Variants in SSX2IP observed in about 807,000 individuals in gnomAD.
SSX2IP encodes the protein afadin- and alpha-actinin-binding protein.
SSX2IP carries 55 observed loss-of-function variants against 84.9 expected under a neutral mutation model. That is an observed-to-expected ratio of 0.65 (90% CI 0.52 to 0.81). The LOEUF (loss-of-function observed/expected upper bound fraction) is 0.81, where lower values mean the gene tolerates loss of function less well. Ranked by LOEUF, SSX2IP falls within the 30% of genes least tolerant of loss-of-function variation. The pLI, the probability that SSX2IP is intolerant of heterozygous loss-of-function variation, is 0.00. For synonymous variants in SSX2IP, 239 were observed against 234.7 expected (o/e 1.02, Z -0.17); for missense variants, 664 against 705.2 (o/e 0.94, Z 0.66).
At chr1:84,679,253 G>C (rs1454588062) in intron 1 of SSX2IP, among the ~76,000 whole-genome samples, 2 of 152,172 alleles carry the variant, frequency 1.3e-5, no homozygotes, top group African/African-American at 4.8e-5. Context: ...GGAGACCGTA[G>C]CTTTGAATTC....
At chr1:84,681,652 A>G (rs1655094790) in intron 1 of SSX2IP, among the ~76,000 whole-genome samples, 1 of 152,230 alleles carries the variant, frequency 6.6e-6, no homozygotes, top group South Asian at 2.1e-4. Context: ...AGAGTATTCA[A>G]GCACAATTAA....
chr1:84,657,776 A>C (rs1214082526), intron 9 of SSX2IP, among the ~76,000 whole-genome samples: 1 of 152,210 alleles, frequency 6.6e-6, no homozygotes, highest in African/African-American at 2.4e-5. Flanking sequence ...CCTCTTTTCA[A>C]ACATTCACTC....
At position 84,686,754 on chromosome 1, in the gene SSX2IP, C is replaced by A. The variant is rs143624451; in HGVS notation, c.-90+3617G>T. ...AGACTTTTAAAGAGAAAGGGTGATA[C>A]ACAGCAGCAAATGCCATAGAATGGG... is the stretch of plus-strand genomic sequence containing the variant. On this transcript the variant is annotated intron_variant, in intron 1 of 13. Transcript: ENST00000342203. Among the ~76,000 whole-genome samples the A allele has an allele frequency of 1.9e-3, 290 of 152,202 alleles. 2 individuals carry two copies. Among genetic ancestry groups the A allele is most frequent in the African/African-American group, 6.5e-3 (269 of 41,516 alleles).
chr1:84,653,386 C>A (rs139152587), intron 11 of SSX2IP, among the ~76,000 whole-genome samples: 329 of 152,280 alleles, frequency 2.2e-3, no homozygotes, highest in Middle Eastern at 0.014. Context: ...GTCAAACCTC[C>A]CCCTTCTGAA....
chr1:84,666,935 A>C (rs1368968963), intron 4 of SSX2IP, among the ~76,000 whole-genome samples: 3 of 152,216 alleles, frequency 2.0e-5, no homozygotes, highest in African/African-American at 7.2e-5. Context: ...AGCCAATCAA[A>C]TTATGTCTTA....
intron 1 of SSX2IP, among the ~76,000 whole-genome samples, chr1:84,683,943 G>C (rs1655438534): frequency 6.6e-6 from 1 of 152,012 alleles, no homozygotes. Context: ...AAAAAAAAGA[G>C]GCACTTTTAG....
At chr1:84,679,210 TAATAC>T (rs562498641) in intron 1 of SSX2IP, among the ~76,000 whole-genome samples, 15 of 152,336 alleles carry the variant, frequency 9.8e-5, no homozygotes, top group Non-Finnish European at 1.9e-4. Context: ...TTTAAAACTG[TAATAC>T]CACCTTCAAC....
chr1:84,647,594 G>A lies in SSX2IP; in HGVS notation c.1684C>T (p.Leu562=). 6.3e-7 allele frequency: 1 copy of A among 1,594,864 alleles called. No homozygotes were observed. The highest frequency in any genetic ancestry group is 8.5e-7 in the Non-Finnish European group (1 of 1,169,714). ...TTAATTTCTTCAGCAGTTATATTCA[G>A]TACATTGATTGAACTGTTGGGAAAA... The part of the protein sequence containing the change: ...CISEHSSINV[L]NITAEEIKPN... The change falls in exon 14 of 14, where the codon CTG becomes TTG. Residue 562 remains leucine, a synonymous_variant. Coordinates refer to ENST00000342203, the MANE Select transcript of SSX2IP (RefSeq NM_001166293.2).
intron 13 of SSX2IP, 29 bp from the exon 14 acceptor site, chr1:84,647,636 T>C (rs758846819): frequency 1.3e-6 from 2 of 1,483,288 alleles, no homozygotes; most frequent in South Asian, 2.9e-5. Context: ...CAGATCTTAG[T>C]GACTATCCTC....
chr1:84,665,222 T>A (rs1179853119), intron 5 of SSX2IP, among the ~76,000 whole-genome samples: 5 of 152,190 alleles, frequency 3.3e-5, no homozygotes, highest in Non-Finnish European at 7.4e-5. Context: ...TGAGCTGTAT[T>A]CAAACCGTTT....
intron 1 of SSX2IP, among the ~76,000 whole-genome samples, chr1:84,671,956 T>A (rs550972297): frequency 6.6e-6 from 1 of 152,228 alleles, no homozygotes; most frequent in East Asian, 1.9e-4. Flanking sequence ...AAATAATGTG[T>A]TTATGTTTCC....
At chr1:84,647,820 C>G (rs1264694931) in intron 13 of SSX2IP, among the ~76,000 whole-genome samples, 1 of 151,840 alleles carries the variant, frequency 6.6e-6, no homozygotes, top group Non-Finnish European at 1.5e-5. Flanking sequence ...CTGAGGCAGC[C>G]GAACTGCTTG....
rs1034645805 is a variant in SSX2IP, at chr1:84,653,970, G to A, written c.1389+1862C>T. ...ATTTAAAGATAAATTCTGAAGCAAAGACTCAGTGGCTAAAGCAAATAATAA... is the reference window on the plus strand; with the variant it reads ...ATTTAAAGATAAATTCTGAAGCAAAAACTCAGTGGCTAAAGCAAATAATAA... On this transcript the variant is annotated intron_variant, in intron 11 of 13. Transcript: ENST00000342203. Among the ~76,000 whole-genome samples the A allele has an allele frequency of 3.3e-5, 5 of 152,074 alleles. No homozygotes were observed. In the East Asian group the frequency reaches 9.6e-4, roughly 29 times the overall value.
intron 3 of SSX2IP, 161 bp from the exon 4 acceptor site, chr1:84,670,054 A>G: frequency 1.8e-6 from 1 of 565,118 alleles, no homozygotes; most frequent in Non-Finnish European, 3.1e-6. Flanking sequence ...GAAATTGCTG[A>G]GCAAGTAAAT....
chr1:84,688,827 G>A (rs1279964720), intron 1 of SSX2IP, among the ~76,000 whole-genome samples: 4 of 152,140 alleles, frequency 2.6e-5, no homozygotes, highest in African/African-American at 9.7e-5. Context: ...CCCATGTTAC[G>A]TAATCCATGA....
chr1:84,644,891 T>C lies in SSX2IP; in HGVS notation c.*2542A>G, dbSNP rs1475312609. 3 of 152,248 alleles carry C rather than the reference T, an allele frequency of 2.0e-5. No homozygotes were observed. Among genetic ancestry groups the C allele is most frequent in the Non-Finnish European group, 2.9e-5 (2 of 68,046 alleles). 9.4% of individuals were successfully genotyped at this position (152,248 alleles called of 1,614,324 possible). On this transcript the variant is annotated 3_prime_UTR_variant, in exon 14 of 14. Transcript: ENST00000342203. ...CCTGTGTATCTAATCATTTAATACA[T>C]TGCTTCTATAAGAAAATACTATTTG...
chr1:84,664,436 G>A lies in SSX2IP; in HGVS notation c.654C>T (p.Asn218=), dbSNP rs1190413880. 4 of 1,588,178 alleles carry A rather than the reference G, an allele frequency of 2.5e-6. No homozygotes were observed. The highest frequency in any genetic ancestry group is 1.7e-6 in the Non-Finnish European group (2 of 1,170,500). Residue 218 remains asparagine, a synonymous_variant, in exon 6 of 14, where the codon AAC becomes AAT. Coordinates refer to ENST00000342203, the MANE Select transcript of SSX2IP (RefSeq NM_001166293.2). ...LKERLHQLVM[N]KKDKKIAMDI... ...GTTTACCTATTTTCTTATCTTTCTT[G>A]TTCATAACAAGTTGATGTAGACGTT...
Position 84,688,835 on chromosome 1 carries a change from T to A in SSX2IP, c.-90+1536A>T, listed in dbSNP as rs531386543. Among the ~76,000 whole-genome samples, 113 of 152,318 alleles carry A rather than the reference T, an allele frequency of 7.4e-4. No individual in the cohort carries two copies. In the Middle Eastern group the frequency reaches 0.014, roughly 18 times the overall value. ...TGCCTCACCCATGTTACGTAATCCA[T>A]GAGCTTTTTATCTTCCCTGTACAGT... is the stretch of plus-strand genomic sequence containing the variant. On this transcript the variant is annotated intron_variant, in intron 1 of 13. Coordinates refer to ENST00000342203, the MANE Select transcript of SSX2IP (RefSeq NM_001166293.2).
intron 11 of SSX2IP, chr1:84,655,353 G>T: frequency 4.6e-6 from 5 of 1,088,112 alleles, no homozygotes; most frequent in East Asian, 7.6e-5. Context: ...TACAATTTTT[G>T]AAGGGGGAAT....
Sources: gnomAD v4.1 joint callset for allele counts (sites outside exome capture counted in the v4.1 genomes callset) on GRCh38, gnomAD v4.1.1 for gene constraint, MANE v1.5 for transcripts, NCBI Gene and HGNC (gene_info 2026-07-23, HGNC 2026-07-21) for gene names.